Variants in TRIM66 observed in about 807,000 individuals in gnomAD.
TRIM66 encodes the protein tripartite motif-containing protein 66.
Under a neutral mutation model 148.2 loss-of-function variants are expected in TRIM66, and 99 were observed. That is an observed-to-expected ratio of 0.67 (90% CI 0.57 to 0.79). The LOEUF (loss-of-function observed/expected upper bound fraction) is 0.79. Ranked by LOEUF, TRIM66 falls within the 30% of genes least tolerant of loss-of-function variation. The pLI, the probability that TRIM66 is intolerant of heterozygous loss-of-function variation, is 0.00. For synonymous variants in TRIM66, 616 were observed against 635.9 expected, an observed-to-expected ratio of 0.97 and a Z score of 0.47; for missense variants, 1,666 against 1,697.9, an observed-to-expected ratio of 0.98 and a Z score of 0.33.
At position 8,618,846 on chromosome 11, in the gene TRIM66, C is replaced by A; in HGVS notation, c.4023G>T (p.Glu1341Asp). The change falls in exon 24 of 25, where the codon GAG becomes GAT. Residue 1341 changes from glutamate to aspartate, a missense_variant. Around this residue, in one of 3 missense-constraint regions of TRIM66, gnomAD observed 204 missense variants for 231.0 expected, o/e 0.88. Coordinates refer to ENST00000646038, the MANE Select transcript of TRIM66 (RefSeq NM_001388022.1). Reference protein sequence around the residue: ...QPRQEDSDSEEVSSESGCSTP... With the variant: ...QPRQEDSDSEDVSSESGCSTP... ...TGGAACATCCACTCTCACTAGACACCTCCTCGGAGTCTGAGTCCTCCTGCC... is the reference window on the plus strand; with the variant it reads ...TGGAACATCCACTCTCACTAGACACATCCTCGGAGTCTGAGTCCTCCTGCC... 1 of 1,551,466 alleles carries A rather than the reference C, an allele frequency of 6.4e-7. No individual in the cohort carries two copies. The highest frequency in any genetic ancestry group is 8.7e-7 in the Non-Finnish European group (1 of 1,146,966).
intron 4 of TRIM66, among the ~76,000 whole-genome samples, chr11:8,673,498 T>C (rs1182435898): frequency 1.3e-5 from 2 of 152,168 alleles, no homozygotes; most frequent in East Asian, 1.9e-4. Flanking sequence ...TTCTTGCCAC[T>C]TGAAGTCTAA....
intron 15 of TRIM66, among the ~76,000 whole-genome samples, chr11:8,634,801 A>T (rs1340991807): frequency 6.6e-6 from 1 of 152,194 alleles, no homozygotes; most frequent in East Asian, 1.9e-4. Flanking sequence ...ACTTGTACGC[A>T]GATGTTCTGC....
chr11:8,628,612 C>CAAAAA lies in TRIM66; in HGVS notation c.2311-3389_2311-3385dup, dbSNP rs750649249. 2.6e-4 allele frequency among the ~76,000 whole-genome samples: 21 copies of CAAAAA among 80,658 alleles called. No individual in the cohort carries two copies. The East Asian group carries it at 5.9e-3, about 23-fold the overall frequency. The allele number at this position is 80,658 out of a possible 152,430, so 52.9% of individuals were successfully genotyped here. A position where few individuals can be genotyped will look rare whatever the true frequency, so the allele number is the denominator to read the frequency against. The stretch of plus-strand genomic sequence containing the variant: ...TAGGCAACAGAGGAAGACCCTGTCT[C>CAAAAA]AAAAAAAAAAAAAAAAAAAAAAAAA... On this transcript the variant is annotated intron_variant, in intron 15 of 24. Coordinates refer to ENST00000646038, the MANE Select transcript of TRIM66 (RefSeq NM_001388022.1).
Position 8,624,378 on chromosome 11 carries a change from C to T in TRIM66, c.3000G>A (p.Gln1000=). The part of the protein sequence containing the change: ...APVVSTSTAL[Q]QYQNPKECEN... Reference sequence around the variant, plus strand: ...TCTCACCTTTTGGGTTCTGGTACTGCTGCAGAGCTGTAGACGTGCTGACCA... The same window carrying T: ...TCTCACCTTTTGGGTTCTGGTACTGTTGCAGAGCTGTAGACGTGCTGACCA... The change falls in exon 17 of 25, where the codon CAG becomes CAA. Residue 1000 remains glutamine (Q), a synonymous_variant. Coordinates refer to ENST00000646038, the MANE Select transcript of TRIM66 (RefSeq NM_001388022.1). The T allele has an allele frequency of 6.4e-7, 1 of 1,551,148 alleles. No individual in the cohort carries two copies. The highest frequency in any genetic ancestry group is 8.7e-7 in the Non-Finnish European group (1 of 1,146,878).
chr11:8,631,695 G>A (rs1359030273), intron 15 of TRIM66, among the ~76,000 whole-genome samples: 1 of 152,134 alleles, frequency 6.6e-6, no homozygotes, highest in Non-Finnish European at 1.5e-5. Context: ...TTGACTCCCT[G>A]CCTCTACTCT....
intron 1 of TRIM66, among the ~76,000 whole-genome samples, chr11:8,682,259 C>A (rs982018393): frequency 6.6e-6 from 1 of 152,208 alleles, no homozygotes; most frequent in Non-Finnish European, 1.5e-5. Context: ...TTTCGGGAGC[C>A]GCCCGAGCTT....
chr11:8,631,896 A>T, intron 15 of TRIM66, among the ~76,000 whole-genome samples: 1 of 152,090 alleles, frequency 6.6e-6, no homozygotes, highest in Middle Eastern at 3.2e-3. Context: ...CTAGTTTCAG[A>T]TTTCTGTTCT....
At chr11:8,682,527 G>A (rs1278815517) in intron 1 of TRIM66, 74 bp downstream of exon 1, 4 of 510,742 alleles carry the variant, frequency 7.8e-6, no homozygotes, top group African/African-American at 4.1e-5. Context: ...AGCACGGGCG[G>A]CGTGCAGTAC....
intron 1 of TRIM66, among the ~76,000 whole-genome samples, chr11:8,681,549 A>T (rs2039426100): frequency 6.6e-6 from 1 of 152,198 alleles, no homozygotes. Flanking sequence ...ATGGGATTTT[A>T]AAAATTTATT....
chr11:8,659,536 G>A (rs2038103356), intron 6 of TRIM66, among the ~76,000 whole-genome samples: 1 of 152,174 alleles, frequency 6.6e-6, no homozygotes, highest in Non-Finnish European at 1.5e-5. Context: ...CAAATCTCAT[G>A]TTATCTATAC....
At chr11:8,680,837 G>C (rs188258982) in intron 1 of TRIM66, 2 of 152,402 alleles carry the variant, frequency 1.3e-5, no homozygotes, top group East Asian at 3.9e-4. Context: ...CTGGATGGAA[G>C]AACCTGAAAA....
Position 8,614,470 on chromosome 11 carries a change from G to C in TRIM66, c.*3474C>G, listed in dbSNP as rs1203390952. On this transcript the variant is annotated 3_prime_UTR_variant, in exon 25 of 25. Coordinates refer to ENST00000646038, the MANE Select transcript of TRIM66 (RefSeq NM_001388022.1). ...GCTGGGGAGAGGAAGAAGTCCAGGA[G>C]AAAGTTAAAAGACAAGGAGAGGAGA... 1 of 152,638 alleles carries C rather than the reference G, an allele frequency of 6.6e-6. No individual in the cohort carries two copies. Among genetic ancestry groups the C allele is most frequent in the Non-Finnish European group, 1.5e-5 (1 of 68,420 alleles). The allele number at this position is 152,638 out of a possible 1,614,324, so 9.5% of individuals were successfully genotyped here.
chr11:8,653,839 G>A (rs913870127), intron 6 of TRIM66, among the ~76,000 whole-genome samples: 2 of 151,510 alleles, frequency 1.3e-5, no homozygotes, highest in African/African-American at 4.9e-5. Flanking sequence ...TTTTTGCAGA[G>A]CCATGGGTGT....
chr11:8,641,282 C>G, intron 13 of TRIM66, 130 bp from the exon 14 acceptor site: 1 of 816,546 alleles, frequency 1.2e-6, no homozygotes, highest in South Asian at 1.9e-5. Context: ...GAAACTCAAC[C>G]CTTGATCTCC....
At chr11:8,649,539 C>A (rs1321001770) in intron 8 of TRIM66, among the ~76,000 whole-genome samples, 4 of 152,138 alleles carry the variant, frequency 2.6e-5, no homozygotes, top group Non-Finnish European at 5.9e-5. Flanking sequence ...CCACACTCAT[C>A]CACCCCCACC....
chr11:8,625,129 C>T lies in TRIM66; in HGVS notation c.2410G>A (p.Val804Met), dbSNP rs1330809065. ...GGGGCACCAGCTGTCAGGTTGCTCA[C>T]ACTCTGGATCTGTGGCTCTAGGGGC... The part of the protein sequence containing the change: ...ERPLEPQIQS[V>M]SNLTAGAPQA... The change falls in exon 16 of 25, where the codon GTG becomes ATG. Residue 804 changes from valine to methionine, a missense_variant. Coordinates refer to ENST00000646038, the MANE Select transcript of TRIM66 (RefSeq NM_001388022.1). 1 of 1,551,144 alleles carries T rather than the reference C, an allele frequency of 6.4e-7. No individual in the cohort carries two copies. Among genetic ancestry groups the T allele is most frequent in the South Asian group, 1.2e-5 (1 of 84,018 alleles).
chr11:8,634,535 TG>T (rs1201835509), intron 15 of TRIM66, among the ~76,000 whole-genome samples: 1 of 152,234 alleles, frequency 6.6e-6, no homozygotes, highest in Non-Finnish European at 1.5e-5. Context: ...ATGAAATGAA[TG>T]CATCAAAATG....
At chr11:8,629,832 G>T (rs926055625) in intron 15 of TRIM66, among the ~76,000 whole-genome samples, 1 of 152,176 alleles carries the variant, frequency 6.6e-6, no homozygotes, top group East Asian at 1.9e-4. Context: ...ATCAGGAGAG[G>T]GGGTGAAGCT....
chr11:8,632,839 T>C (rs1444282062), intron 15 of TRIM66, among the ~76,000 whole-genome samples: 2 of 152,204 alleles, frequency 1.3e-5, no homozygotes, highest in Non-Finnish European at 2.9e-5. Context: ...AAAGCTCTTG[T>C]ACTTATTAAG....
Sources: allele counts gnomAD v4.1 joint callset (sites outside exome capture counted in the v4.1 genomes callset), GRCh38; gene constraint gnomAD v4.1.1; regional missense constraint gnomAD v4.1.1; transcripts MANE v1.5; gene names NCBI Gene and HGNC (gene_info 2026-07-23, HGNC 2026-07-21).